GTF2I: variants seen among roughly 807,000 people sequenced by gnomAD.
The protein encoded by GTF2I is general transcription factor II-I.
In GTF2I, 12 loss-of-function variants were observed where a neutral mutation model predicts 67.6. The ratio of observed to expected loss-of-function variants is 0.18; its 90% confidence interval spans 0.11 to 0.29. GTF2I has a LOEUF of 0.29. Among genes scored for constraint, GTF2I ranks in the 10% least tolerant of loss-of-function variants. The pLI is 1.00. For missense variants in GTF2I, 271 were observed against 580.1 expected, an observed-to-expected ratio of 0.47 and a Z score of 5.47; for synonymous variants, 149 against 197.0, an observed-to-expected ratio of 0.76 and a Z score of 2.04.
At chr7:74,664,535 G>A (rs587737959) in intron 1 of GTF2I, among the ~76,000 whole-genome samples, 8 of 152,164 alleles carry the variant, frequency 5.3e-5, no homozygotes, top group Non-Finnish European at 1.2e-4. Context: ...CCAGGTTCAA[G>A]CGATTCTCCT....
At chr7:74,701,951 T>A (rs894105475) in intron 6 of GTF2I, among the ~76,000 whole-genome samples, 2 of 152,240 alleles carry the variant, frequency 1.3e-5, no homozygotes, top group East Asian at 3.8e-4. Context: ...TGAGCTTTTT[T>A]CACTGAGCAT....
Position 74,699,055 on chromosome 7 carries a change from A to T in GTF2I, c.333A>T (p.Thr111=). The T allele has an allele frequency of 1.3e-6, 2 of 1,539,210 alleles. No homozygotes were observed. Among genetic ancestry groups the T allele is most frequent in the Non-Finnish European group, 1.8e-6 (2 of 1,139,902 alleles). ...GTGTAGATGCTGTAGAAATTGAAAC[A>T]CTCAGAAAAACAGTTGAGGACTATT... ...RMSVDAVEIE[T]LRKTVEDYFC... is the part of the protein sequence containing the mutation. The change falls in exon 4 of 35, where the codon ACA becomes ACT. Residue 111 remains threonine (T), a synonymous_variant. Coordinates refer to ENST00000573035, the MANE Select transcript of GTF2I (RefSeq NM_032999.4).
chr7:74,734,518 G>A (rs1224958003), intron 16 of GTF2I, among the ~76,000 whole-genome samples: 1 of 152,054 alleles, frequency 6.6e-6, no homozygotes, highest in Non-Finnish European at 1.5e-5. Context: ...CGCCTCCTGG[G>A]TTCAAGCAGT....
At chr7:74,679,484 T>G (rs1400241020) in intron 1 of GTF2I, among the ~76,000 whole-genome samples, 1 of 152,234 alleles carries the variant, frequency 6.6e-6, no homozygotes, top group Admixed American at 6.5e-5. Flanking sequence ...GAAAAGGATA[T>G]TATACTTTGC....
intron 3 of GTF2I, among the ~76,000 whole-genome samples, chr7:74,696,591 C>T (rs1788938724): frequency 6.6e-6 from 1 of 151,794 alleles, no homozygotes; most frequent in African/African-American, 2.4e-5. Flanking sequence ...CTCCCGGGTT[C>T]ACGCCATTCT....
At chr7:74,719,320 A>C (rs1179681183) in intron 12 of GTF2I, among the ~76,000 whole-genome samples, 1 of 152,228 alleles carries the variant, frequency 6.6e-6, no homozygotes, top group Non-Finnish European at 1.5e-5. Context: ...GTGGAGGAGA[A>C]AGTGTTGATA....
chr7:74,731,770 C>T (rs1794506218), intron 14 of GTF2I, among the ~76,000 whole-genome samples: 1 of 149,018 alleles, frequency 6.7e-6, no homozygotes, highest in Non-Finnish European at 1.5e-5. Context: ...GTCTTGAACT[C>T]CTAACCTCAG....
intron 1 of GTF2I, among the ~76,000 whole-genome samples, chr7:74,673,103 G>A (rs1805600779): frequency 2.0e-5 from 3 of 152,010 alleles, no homozygotes; most frequent in Admixed American, 1.3e-4. Flanking sequence ...CTCATGATCT[G>A]CCCGCCTTGG....
Position 74,692,544 on chromosome 7 carries a change from T to C in GTF2I, c.238+1433T>C, listed in dbSNP as rs150353819. Among the ~76,000 whole-genome samples, 15 of 152,326 alleles carry C rather than the reference T, an allele frequency of 9.8e-5. No homozygotes were observed. The East Asian group carries it at 2.5e-3, about 25-fold the overall frequency. On this transcript the variant is annotated intron_variant, in intron 3 of 34. Transcript: ENST00000573035. ...ATCTGCATTTAGAGCAGTGGTGAGC[T>C]TATTTGACATTGGAACAGTGTTGAA... is the stretch of plus-strand genomic sequence containing the variant.
rs782239295 is a variant in GTF2I, at chr7:74,702,737, C to CT, written c.586+2117dup. Among the ~76,000 whole-genome samples, 221 of 141,998 alleles carry CT rather than the reference C, an allele frequency of 1.6e-3. 1 individual carries two copies. Among genetic ancestry groups the CT allele is most frequent in the East Asian group, 9.1e-3 (45 of 4,944 alleles). The allele number at this position is 141,998 out of a possible 152,430, so 93.2% of individuals were successfully genotyped here. On this transcript the variant is annotated intron_variant, in intron 6 of 34. Transcript: ENST00000573035. The stretch of plus-strand genomic sequence containing the variant: ...TGTTTTTACTTTTCTTTCTTTCTTT[C>CT]TTTTTTTTTTTTTTGAGACAGGGTC...
chr7:74,691,205 TTTC>T (rs1788263603), intron 3 of GTF2I, 94 bp downstream of exon 3: 12 of 968,154 alleles, frequency 1.2e-5, no homozygotes, highest in Non-Finnish European at 1.2e-5. Context: ...TCTTTCTTTC[TTTC>T]TTTTTTTTTT....
At chr7:74,668,559 ATATTTATT>A (rs587731389) in intron 1 of GTF2I, among the ~76,000 whole-genome samples, 22 of 151,130 alleles carry the variant, frequency 1.5e-4, no homozygotes, top group South Asian at 2.1e-4. Flanking sequence ...CTTAAAGATC[ATATTTATT>A]TATTTATTTA....
At chr7:74,695,607 T>G (rs1245313551) in intron 3 of GTF2I, among the ~76,000 whole-genome samples, 2 of 152,156 alleles carry the variant, frequency 1.3e-5, no homozygotes, top group African/African-American at 4.8e-5. Flanking sequence ...TAATTCCCAA[T>G]TGTATTTTTA....
At chr7:74,674,798 C>T (rs1013916833) in intron 1 of GTF2I, among the ~76,000 whole-genome samples, 5 of 151,774 alleles carry the variant, frequency 3.3e-5, no homozygotes, top group African/African-American at 4.8e-5. Flanking sequence ...CCGCCCACCT[C>T]GGCCTCCCAA....
chr7:74,693,358 C>T (rs1484894444), intron 3 of GTF2I, among the ~76,000 whole-genome samples: 12 of 148,814 alleles, frequency 8.1e-5, no homozygotes, highest in Non-Finnish European at 1.3e-4. Context: ...TCACTGCATC[C>T]CCTGCCTCCT....
chr7:74,719,746 G>A (rs1203740184), intron 12 of GTF2I, among the ~76,000 whole-genome samples: 2 of 151,928 alleles, frequency 1.3e-5, no homozygotes, highest in Non-Finnish European at 2.9e-5. Flanking sequence ...ATGGTGAAAC[G>A]CCCATCTCTA....
At chr7:74,671,667 G>A (rs1805463471) in intron 1 of GTF2I, among the ~76,000 whole-genome samples, 1 of 151,988 alleles carries the variant, frequency 6.6e-6, no homozygotes, top group Non-Finnish European at 1.5e-5. Context: ...ATCTTAAAAT[G>A]TCAGCATACG....
chr7:74,707,956 C>T (rs1554401854), intron 8 of GTF2I, among the ~76,000 whole-genome samples: 2 of 151,834 alleles, frequency 1.3e-5, no homozygotes, highest in South Asian at 2.1e-4. Flanking sequence ...AGCCAGGGTG[C>T]AGCCAGGAGA....
chr7:74,722,702 A>G (rs1439525177), intron 12 of GTF2I: 2 of 152,178 alleles, frequency 1.3e-5, no homozygotes, highest in African/African-American at 2.4e-5. Flanking sequence ...TTTGAAAGGT[A>G]TATGTAAATA....
Sources: allele counts gnomAD v4.1 joint callset (sites outside exome capture counted in the v4.1 genomes callset), GRCh38; gene constraint gnomAD v4.1.1; transcripts MANE v1.5; gene names NCBI Gene and HGNC (gene_info 2026-07-23, HGNC 2026-07-21).